Variants in WDR93 observed in about 807,000 individuals in gnomAD.
WDR93 encodes WD repeat domain 93.
WDR93 carries 73 observed loss-of-function variants against 82.9 expected under a neutral mutation model. The observed-to-expected ratio is 0.88, with a 90% confidence interval of 0.73 to 1.07. The LOEUF (loss-of-function observed/expected upper bound fraction) is 1.07. WDR93 is among the 50% of genes least tolerant of loss of function. The pLI is 0.00. For synonymous variants in WDR93, 283 were observed against 300.1 expected (o/e 0.94, Z 0.59); for missense variants, 738 against 826.0 (o/e 0.89, Z 1.31).
chr15:89,708,177 T>C (rs1012327037), intron 4 of WDR93, among the ~76,000 whole-genome samples: 1 of 152,210 alleles, frequency 6.6e-6, no homozygotes, highest in African/African-American at 2.4e-5. Context: ...ATATGTTCAC[T>C]GTCTTGATTG....
chr15:89,705,294 G>A (rs1965676515), intron 3 of WDR93: 1 of 480,912 alleles, frequency 2.1e-6, no homozygotes, highest in Non-Finnish European at 3.8e-6. Context: ...TGTAGCCCAT[G>A]TCTTACAGGA....
At chr15:89,707,007 T>C (rs1349431011) in intron 4 of WDR93, among the ~76,000 whole-genome samples, 3 of 152,124 alleles carry the variant, frequency 2.0e-5, no homozygotes, top group African/African-American at 7.2e-5. Flanking sequence ...AGACAACCCA[T>C]AGACTGGGAG....
At chr15:89,705,529 A>G (rs768321222) in intron 3 of WDR93, 25 bp from the exon 4 acceptor site, 1 of 1,346,132 alleles carries the variant, frequency 7.4e-7, no homozygotes, top group Non-Finnish European at 1.1e-6. Flanking sequence ...CTGTCTTAAC[A>G]TTCTCACTTA....
At chr15:89,730,392 C>G (rs1411900869) in intron 11 of WDR93, among the ~76,000 whole-genome samples, 1 of 151,850 alleles carries the variant, frequency 6.6e-6, no homozygotes, top group African/African-American at 2.4e-5. Context: ...AGTGCTAATC[C>G]TAGCCCAGCT....
chr15:89,712,174 G>C (rs1966008599), intron 5 of WDR93, 70 bp downstream of exon 5: 2 of 1,269,544 alleles, frequency 1.6e-6, no homozygotes, highest in Non-Finnish European at 2.2e-6. Flanking sequence ...GATTGCTTTT[G>C]TCCCTCCAAA....
chr15:89,710,562 C>G (rs567899534), intron 4 of WDR93, among the ~76,000 whole-genome samples: 36 of 151,982 alleles, frequency 2.4e-4, no homozygotes, highest in African/African-American at 8.2e-4. Context: ...AATACCTGTG[C>G]CTTTACCTAT....
chr15:89,707,606 CAAAG>C lies in WDR93; in HGVS notation c.561+1992_561+1995del, dbSNP rs1350915071. Among the ~76,000 whole-genome samples, 3 of 144,048 alleles carry C rather than the reference CAAAG, an allele frequency of 2.1e-5. No individual in the cohort carries two copies. The East Asian group carries it at 5.8e-4, about 28-fold the overall frequency. 94.5% of individuals were successfully genotyped at this position (144,048 alleles called of 152,430 possible). ...CACACACAAATAAAAAATAAAACAA[CAAAG>C]AAAAAAAGGAAAATAAAAAAATAAA... On this transcript the variant is annotated intron_variant, in intron 4 of 16. Transcript: ENST00000268130.
intron 6 of WDR93, 56 bp downstream of exon 6, chr15:89,715,151 C>T: frequency 6.7e-7 from 1 of 1,503,264 alleles, no homozygotes; most frequent in Non-Finnish European, 9.1e-7. Context: ...TGACCCACAT[C>T]TAGCCCAAGT....
intron 16 of WDR93, among the ~76,000 whole-genome samples, chr15:89,738,721 GAA>G (rs770382002): frequency 6.6e-6 from 1 of 151,936 alleles, no homozygotes; most frequent in Admixed American, 6.6e-5. Flanking sequence ...TGGATTGGTA[GAA>G]AAAGAGTCAT....
chr15:89,726,217 G>A (rs1966731365), intron 8 of WDR93, among the ~76,000 whole-genome samples: 1 of 152,188 alleles, frequency 6.6e-6, no homozygotes, highest in Non-Finnish European at 1.5e-5. Flanking sequence ...GAACCAAGGA[G>A]TTCAAGCCTA....
intron 1 of WDR93, among the ~76,000 whole-genome samples, chr15:89,701,018 A>G (rs1184749797): frequency 6.6e-6 from 1 of 152,194 alleles, no homozygotes; most frequent in Non-Finnish European, 1.5e-5. Flanking sequence ...AGTGGAGCTA[A>G]TAAATTGTAA....
intron 13 of WDR93, 55 bp from the exon 14 acceptor site, chr15:89,735,435 C>G: frequency 3.2e-6 from 5 of 1,573,712 alleles, no homozygotes. Flanking sequence ...AAGAGGATAT[C>G]AAAACTTTTA....
chr15:89,699,150 C>T (rs1230173017), intron 1 of WDR93, among the ~76,000 whole-genome samples: 1 of 152,108 alleles, frequency 6.6e-6, no homozygotes, highest in Non-Finnish European at 1.5e-5. Flanking sequence ...ATACCCTGAT[C>T]CTTTTCCTTC....
chr15:89,733,501 T>C (rs527592325), intron 13 of WDR93, among the ~76,000 whole-genome samples: 1 of 152,194 alleles, frequency 6.6e-6, no homozygotes, highest in African/African-American at 2.4e-5. Flanking sequence ...GATGGGGCCT[T>C]TAGGAGATGA....
Position 89,701,979 on chromosome 15 carries a change from G to C in WDR93, c.233G>C (p.Arg78Thr). ...CAGTCTTGGGAAATTATTGAAGAGA[G>C]AAACGCACTGAGGGAAGCTGAGAGC... ...FDQSWEIIEE[R>T]NALREAESSQ... is the part of the protein sequence containing the mutation. The change falls in exon 2 of 17, where the codon AGA becomes ACA. Residue 78 changes from arginine (R) to threonine (T), a missense_variant. Physicochemically the swap from Arg to Thr is moderately conservative, Grantham distance 71 (BLOSUM62 -1). Transcript: ENST00000268130. The C allele has an allele frequency of 6.2e-7, 1 of 1,613,672 alleles. No homozygotes were observed. Among genetic ancestry groups the C allele is most frequent in the African/African-American group, 1.3e-5 (1 of 75,024 alleles).
chr15:89,736,564 C>T (rs112709183), intron 14 of WDR93, among the ~76,000 whole-genome samples: 3,692 of 152,014 alleles, frequency 0.024, 160 homozygotes, highest in African/African-American at 0.085. Flanking sequence ...CCGTGAGGGG[C>T]CCCAGGGAAA....
chr15:89,712,669 G>T (rs1305789855), intron 5 of WDR93, among the ~76,000 whole-genome samples: 2 of 152,046 alleles, frequency 1.3e-5, no homozygotes, highest in Non-Finnish European at 2.9e-5. Flanking sequence ...ATATCAAGGG[G>T]TACATGATAG....
At chr15:89,741,972 C>T (rs918236828) in intron 16 of WDR93, among the ~76,000 whole-genome samples, 3 of 152,266 alleles carry the variant, frequency 2.0e-5, no homozygotes, top group Non-Finnish European at 2.9e-5. Context: ...AGGATGGTAT[C>T]GATCTCTTGA....
intron 1 of WDR93, among the ~76,000 whole-genome samples, chr15:89,691,478 G>A (rs1964878189): frequency 6.6e-6 from 1 of 152,226 alleles, no homozygotes; most frequent in South Asian, 2.1e-4. Flanking sequence ...CAACACTTTG[G>A]GAGCCGAGGT....
Sources: allele counts gnomAD v4.1 joint callset (sites outside exome capture counted in the v4.1 genomes callset), GRCh38; gene constraint gnomAD v4.1.1; transcripts MANE v1.5; gene names NCBI Gene and HGNC (gene_info 2026-07-23, HGNC 2026-07-21).